The following PITPNC1 variants were observed in gnomAD, a reference collection of about 807,000 sequenced individuals.
PITPNC1 encodes the protein cytoplasmic phosphatidylinositol transfer protein 1.
PITPNC1 carries 18 observed loss-of-function variants against 44.7 expected under a neutral mutation model. The ratio of observed to expected loss-of-function variants is 0.40; its 90% CI spans 0.28 to 0.60. PITPNC1 has a LOEUF of 0.60. Ranked by LOEUF, PITPNC1 falls within the 20% of genes least tolerant of loss-of-function variation. The pLI is 0.39. For missense variants in PITPNC1, 290 were observed against 418.4 expected, an observed-to-expected ratio of 0.69 and a Z score of 2.68; for synonymous variants, 141 against 149.6, an observed-to-expected ratio of 0.94 and a Z score of 0.42.
chr17:67,472,095 C>T (rs1203897883), intron 1 of PITPNC1, among the ~76,000 whole-genome samples: 1 of 151,860 alleles, frequency 6.6e-6, no homozygotes, highest in Non-Finnish European at 1.5e-5. Context: ...ATGGCCTTCT[C>T]ATCACATAAT....
Position 67,602,819 on chromosome 17 carries a change from C to T in PITPNC1, c.366+24562C>T, listed in dbSNP as rs189756179. Among the ~76,000 whole-genome samples the T allele has an allele frequency of 3.9e-5, 6 of 152,278 alleles. No homozygotes were observed. The East Asian group carries it at 7.7e-4, about 20-fold the overall frequency. ...TGGTACAACCTTGGTTCACTGCAAC[C>T]TCGACCTCCTGGACTCAGGTGATCC... On this transcript the variant is annotated intron_variant, in intron 5 of 8. Coordinates refer to ENST00000581322, the MANE Select transcript of PITPNC1 (RefSeq NM_012417.4).
intron 1 of PITPNC1, among the ~76,000 whole-genome samples, chr17:67,445,569 A>G (rs542151204): frequency 5.9e-5 from 9 of 152,172 alleles, no homozygotes; most frequent in Non-Finnish European, 1.0e-4. Context: ...CTTTAGTAGC[A>G]AAAGGAATTG....
intron 5 of PITPNC1, among the ~76,000 whole-genome samples, chr17:67,624,985 A>G (rs1466438639): frequency 6.6e-6 from 1 of 152,210 alleles, no homozygotes; most frequent in Non-Finnish European, 1.5e-5. Context: ...GTAATTATTC[A>G]GATTTGCCTT....
At chr17:67,660,518 TTTTA>T (rs1007987447) in intron 6 of PITPNC1, among the ~76,000 whole-genome samples, 76 of 139,428 alleles carry the variant, frequency 5.5e-4, no homozygotes, top group Admixed American at 1.3e-3. Context: ...TTTTATTTTA[TTTTA>T]TTTATTTATT....
At chr17:67,655,558 C>CAAAAAAAAAAA in intron 6 of PITPNC1, among the ~76,000 whole-genome samples, 1 of 42,084 alleles carries the variant, frequency 2.4e-5, no homozygotes, top group African/African-American at 7.8e-5. Context: ...AGACTCATCT[C>CAAAAAAAAAAA]AAAAAAAAAA....
At chr17:67,543,841 T>C (rs2040640793) in intron 2 of PITPNC1, among the ~76,000 whole-genome samples, 1 of 152,150 alleles carries the variant, frequency 6.6e-6, no homozygotes, top group Admixed American at 6.5e-5. Flanking sequence ...TTTACATTAG[T>C]ACTAATACAA....
intron 2 of PITPNC1, among the ~76,000 whole-genome samples, chr17:67,533,206 G>A (rs138042731): frequency 9.1e-4 from 138 of 152,266 alleles, no homozygotes; most frequent in African/African-American, 3.3e-3. Flanking sequence ...GCTACAGTGA[G>A]CTATACTCAC....
At chr17:67,630,900 C>T (rs1486274435) in intron 5 of PITPNC1, among the ~76,000 whole-genome samples, 1 of 151,366 alleles carries the variant, frequency 6.6e-6, no homozygotes, top group African/African-American at 2.4e-5. Context: ...TTGGTAGAGA[C>T]AGGGTTTCAC....
At chr17:67,450,786 C>A (rs2039164252) in intron 1 of PITPNC1, among the ~76,000 whole-genome samples, 1 of 152,102 alleles carries the variant, frequency 6.6e-6, no homozygotes, top group Non-Finnish European at 1.5e-5. Context: ...GCTGGGCAAC[C>A]ATCATCACTG....
intron 2 of PITPNC1, among the ~76,000 whole-genome samples, chr17:67,538,098 A>T (rs2040554384): frequency 6.6e-6 from 1 of 152,112 alleles, no homozygotes. Flanking sequence ...TACATAAGTA[A>T]TTAAGGCAGT....
chr17:67,632,885 C>T (rs921415183), intron 6 of PITPNC1, among the ~76,000 whole-genome samples: 9 of 152,094 alleles, frequency 5.9e-5, no homozygotes, highest in Non-Finnish European at 1.0e-4. Flanking sequence ...TGAATCAATC[C>T]TTGAAAACTT....
intron 1 of PITPNC1, among the ~76,000 whole-genome samples, chr17:67,473,208 T>C (rs34583890): frequency 0.052 from 7,862 of 151,638 alleles, 284 homozygotes; most frequent in Middle Eastern, 0.11. Context: ...TAAAAGTTAT[T>C]CTTATTTTTA....
rs186845292 is a variant in PITPNC1 at position 67,412,654 on chromosome 17, C to A, written c.48+34452C>A. 2.2e-3 allele frequency among the ~76,000 whole-genome samples: 335 copies of A among 152,254 alleles called. 3 individuals are homozygous for A. The highest frequency in any genetic ancestry group is 7.8e-3 in the African/African-American group (326 of 41,540). ...TGATCTCCGCTCACTGCAACCTCCA[C>A]CTCCCGGGTTCAAGTGATTCTCCTG... On this transcript the variant is annotated intron_variant, in intron 1 of 8. Coordinates refer to ENST00000581322, the MANE Select transcript of PITPNC1 (RefSeq NM_012417.4).
intron 1 of PITPNC1, among the ~76,000 whole-genome samples, chr17:67,382,738 C>T (rs1249672133): frequency 6.6e-6 from 1 of 152,060 alleles, no homozygotes; most frequent in Non-Finnish European, 1.5e-5. Flanking sequence ...AAGTCTCCTG[C>T]CTCAGCCTCC....
intron 5 of PITPNC1, among the ~76,000 whole-genome samples, chr17:67,623,566 T>A (rs967482611): frequency 6.6e-6 from 1 of 152,156 alleles, no homozygotes; most frequent in African/African-American, 2.4e-5. Context: ...TGTATTTTTG[T>A]AGAGACGGGG....
chr17:67,690,813 A>T (rs71382144), intron 8 of PITPNC1, among the ~76,000 whole-genome samples: 4 of 151,982 alleles, frequency 2.6e-5, no homozygotes, highest in Admixed American at 2.6e-4. Flanking sequence ...ATTAATAATA[A>T]CAGTAATAAG....
intron 4 of PITPNC1, among the ~76,000 whole-genome samples, chr17:67,573,545 A>T (rs1252381504): frequency 6.8e-6 from 1 of 147,932 alleles, no homozygotes; most frequent in Non-Finnish European, 1.5e-5. Flanking sequence ...GAAGCACTGA[A>T]ACTGAATACT....
chr17:67,504,266 T>G (rs1027707658), intron 1 of PITPNC1, among the ~76,000 whole-genome samples: 1 of 152,220 alleles, frequency 6.6e-6, no homozygotes, highest in Non-Finnish European at 1.5e-5. Context: ...AAGTTGTTTT[T>G]CATTTTCTTT....
At chr17:67,614,682 A>G (rs11658418) in intron 5 of PITPNC1, among the ~76,000 whole-genome samples, 1 of 150,462 alleles carries the variant, frequency 6.6e-6, no homozygotes, top group African/African-American at 2.4e-5. Context: ...AAAAAAAAAA[A>G]AAATAAATAT....
Sources: gnomAD v4.1 joint callset for allele counts (sites outside exome capture counted in the v4.1 genomes callset) on GRCh38, gnomAD v4.1.1 for gene constraint, MANE v1.5 for transcripts, NCBI Gene and HGNC (gene_info 2026-07-23, HGNC 2026-07-21) for gene names.